Variants in SON observed in about 807,000 individuals in gnomAD.
SON encodes the protein SON DNA and RNA binding protein.
Under a neutral mutation model 173.3 loss-of-function variants are expected in SON, and 4 were observed. The ratio of observed to expected loss-of-function variants is 0.02; its 90% CI spans 0.01 to 0.05. SON has a LOEUF of 0.05. Ranked by LOEUF, SON falls within the 10% of genes least tolerant of loss-of-function variation. The pLI is 1.00. For missense variants in SON, 2,626 were observed against 3,055.3 expected (o/e 0.86, Z 3.31); for synonymous variants, 1,190 against 1,105.9 (o/e 1.08, Z -1.51).
Position 33,546,312 on chromosome 21 carries a change from A to G in SON, c.177A>G (p.Glu59=). Residue 59 remains glutamate, a synonymous_variant, in exon 2 of 12, where the codon GAA becomes GAG. Coordinates refer to ENST00000356577, the MANE Select transcript of SON (RefSeq NM_138927.4). ...AAASARSLPN[E]EIVQKIEEVL... ...CCTCTGCCAGGAGTCTACCAAATGAAGAAATAGTGCAGAAGATAGAGGAAG... is the reference window on the plus strand; with the variant it reads ...CCTCTGCCAGGAGTCTACCAAATGAGGAAATAGTGCAGAAGATAGAGGAAG... 1 of 1,613,872 alleles carries G rather than the reference A, an allele frequency of 6.2e-7. No homozygotes were observed.
At chr21:33,572,695 C>G in intron 8 of SON, 6 of 823,238 alleles carry the variant, frequency 7.3e-6, no homozygotes, top group Middle Eastern at 2.7e-4. Context: ...TAAAAGAATT[C>G]AAATTCATTT....
At chr21:33,560,609 T>C (rs530956974) in intron 6 of SON, 1 of 936,200 alleles carries the variant, frequency 1.1e-6, no homozygotes, top group East Asian at 1.2e-4. Flanking sequence ...TATCTTTGTA[T>C]GTATCTCTGT....
Position 33,551,380 on chromosome 21 carries a change from G to A in SON, c.2149G>A (p.Ala717Thr), listed in dbSNP as rs764620213. 1.2e-6 allele frequency: 2 copies of A among 1,613,982 alleles called. No homozygotes were observed. Among genetic ancestry groups the A allele is most frequent in the African/African-American group, 2.7e-5 (2 of 74,872 alleles). Residue 717 changes from alanine (A) to threonine (T), a missense_variant, in exon 3 of 12, where the codon GCT becomes ACT. Physicochemically the swap from Ala to Thr is moderately conservative, Grantham distance 58 (BLOSUM62 0). Around this residue, in one of 13 missense-constraint regions of SON, gnomAD observed 182 missense variants for 193.6 expected, o/e 0.94. Transcript: ENST00000356577. ...GATGGCCCCAGAATCCCATATATTA[G>A]CTTCTAACACCATGGAGACCCATAT... Reference protein sequence around the residue: ...PLMAPESHILASNTMETHILA... With the variant: ...PLMAPESHILTSNTMETHILA...
At chr21:33,543,372 T>C in intron 1 of SON, 4 of 601,990 alleles carry the variant, frequency 6.6e-6, no homozygotes, top group Non-Finnish European at 5.9e-6. Flanking sequence ...ACTTCGCCTT[T>C]TCCGAGGTAA....
At chr21:33,572,079 ATTAAC>A (rs2086295538) in intron 8 of SON, 2 of 151,926 alleles carry the variant, frequency 1.3e-5, no homozygotes, top group Admixed American at 1.3e-4. Context: ...TACATTCAGT[ATTAAC>A]TTATCAATAT....
In SON at chr21:33,554,935, A is replaced by G; in HGVS notation, c.5704A>G (p.Arg1902Gly). The change falls in exon 3 of 12, where the codon AGG becomes GGG. Residue 1902 changes from arginine (R) to glycine (G), a missense_variant. This residue lies in a region of SON where 1,006 missense variants were observed against 895.6 expected (regional missense o/e 1.12). Transcript: ENST00000356577. Reference protein sequence around the residue: ...KRSPKHRSKSRERKRKRSSSR... With the variant: ...KRSPKHRSKSGERKRKRSSSR... Reference sequence around the variant, plus strand: ...ATCTCCAAAGCACAGATCCAAGTCTAGGGAAAGAAAAAGAAAAAGATCAAG... The same window carrying G: ...ATCTCCAAAGCACAGATCCAAGTCTGGGGAAAGAAAAAGAAAAAGATCAAG... The G allele has an allele frequency of 6.2e-7, 1 of 1,614,170 alleles. No individual in the cohort carries two copies. The highest frequency in any genetic ancestry group is 8.5e-7 in the Non-Finnish European group (1 of 1,180,022).
At chr21:33,576,112 A>G (rs2145889979) in intron 11 of SON, among the ~76,000 whole-genome samples, 1 of 152,176 alleles carries the variant, frequency 6.6e-6, no homozygotes, top group African/African-American at 2.4e-5. Flanking sequence ...ATAGTATACA[A>G]TTGTTATTTT....
At position 33,575,649 on chromosome 21, in the gene SON, G is replaced by A. The variant is rs56199548; in HGVS notation, c.7087G>A (p.Ala2363Thr). Residue 2363 changes from alanine (A) to threonine (T), a missense_variant, in exon 10 of 12, where the codon GCA becomes ACA. Coordinates refer to ENST00000356577, the MANE Select transcript of SON (RefSeq NM_138927.4). ...AQKRSGNFSA[A>T]MKDLSGKHPV... is the part of the protein sequence containing the mutation. ...AAAGAGGTCTGGGAACTTCTCTGCT[G>A]CAATGAAAGATCTGTCAGGTGAGAG... 6.2e-7 allele frequency: 1 copy of A among 1,613,188 alleles called. No individual in the cohort carries two copies.
chr21:33,569,555 G>T (rs547643117), intron 8 of SON: 3 of 408,460 alleles, frequency 7.3e-6, no homozygotes, highest in East Asian at 9.4e-5. Context: ...CTTTGCCCTC[G>T]CACCCCACCC....
chr21:33,572,126 G>A (rs1161333396), intron 8 of SON: 2 of 150,602 alleles, frequency 1.3e-5, no homozygotes, highest in Non-Finnish European at 3.0e-5. Flanking sequence ...CTGAGCTACT[G>A]AAGTTTTTTT....
Position 33,543,061 on chromosome 21 carries a change from CGAG to C in SON, c.-25_-23del, listed in dbSNP as rs776528549. 3 of 1,605,822 alleles carry C rather than the reference CGAG, an allele frequency of 1.9e-6. No individual in the cohort carries two copies. The highest frequency in any genetic ancestry group is 3.3e-5 in the Admixed American group (2 of 60,006). The stretch of plus-strand genomic sequence containing the variant: ...GCATGCTGGGAGCCTGGAGGACTAG[CGAG>C]GAGGAGTTGAGAGAACGGAGCGGAC... On this transcript the variant is annotated 5_prime_UTR_variant, in exon 1 of 12. Coordinates refer to ENST00000356577, the MANE Select transcript of SON (RefSeq NM_138927.4).
Position 33,550,181 on chromosome 21 carries a change from A to G in SON, c.950A>G (p.Tyr317Cys). Residue 317 changes from tyrosine (Y) to cysteine (C), a missense_variant, in exon 3 of 12, where the codon TAC becomes TGC. Tyr to Cys is a radical substitution (Grantham distance 194, BLOSUM62 -2). Coordinates refer to ENST00000356577, the MANE Select transcript of SON (RefSeq NM_138927.4). The part of the protein sequence containing the change: ...VVSSETPTEV[Y>C]PEPSTSTTMD... ...TCATCAGAGACACCTACTGAGGTGT[A>G]CCCTGAGCCAAGCACATCAACAACA... The G allele has an allele frequency of 6.2e-7, 1 of 1,614,216 alleles. No individual in the cohort carries two copies. The highest frequency in any genetic ancestry group is 8.5e-7 in the Non-Finnish European group (1 of 1,180,024).
At chr21:33,570,530 G>C (rs1203746261) in intron 8 of SON, among the ~76,000 whole-genome samples, 1 of 151,978 alleles carries the variant, frequency 6.6e-6, no homozygotes, top group Non-Finnish European at 1.5e-5. Flanking sequence ...GCTGAGGGTT[G>C]GTGTTAGAAT....
At chr21:33,568,259 G>A (rs561239097) in intron 7 of SON, among the ~76,000 whole-genome samples, 5 of 152,206 alleles carry the variant, frequency 3.3e-5, no homozygotes, top group East Asian at 1.9e-4. Context: ...TTGAAAGGCC[G>A]AGGCGGGCGG....
Position 33,550,394 on chromosome 21 carries a change from C to T in SON, c.1163C>T (p.Ala388Val), listed in dbSNP as rs567002427. ...ASAMELPGPP[A>V]TSMPELQGPP... The stretch of plus-strand genomic sequence containing the variant: ...GCGATGGAGTTGCCGGGGCCACCTG[C>T]GACCTCCATGCCGGAGTTGCAGGGG... Residue 388 changes from alanine to valine, a missense_variant, in exon 3 of 12, where the codon GCG (alanine) becomes GTG (valine). Physicochemically the swap from Ala to Val is moderately conservative, Grantham distance 64. This residue lies in a region of SON where 757 missense variants were observed against 730.1 expected (regional missense o/e 1.04). Coordinates refer to ENST00000356577, the MANE Select transcript of SON (RefSeq NM_138927.4). 1.1e-5 allele frequency: 18 copies of T among 1,613,940 alleles called. No individual in the cohort carries two copies. Among genetic ancestry groups the T allele is most frequent in the East Asian group, 4.5e-5 (2 of 44,864 alleles).
chr21:33,545,368 C>G (rs999617973), intron 1 of SON, among the ~76,000 whole-genome samples: 2 of 151,900 alleles, frequency 1.3e-5, no homozygotes, highest in Non-Finnish European at 2.9e-5. Flanking sequence ...GGTTTTTGAC[C>G]ATTCAGACTT....
intron 2 of SON, 85 bp from the exon 3 acceptor site, chr21:33,549,391 C>T: frequency 8.2e-7 from 1 of 1,219,010 alleles, no homozygotes; most frequent in Non-Finnish European, 1.1e-6. Flanking sequence ...GGTGTTTTAA[C>T]ATGGAATGTA....
At position 33,551,819 on chromosome 21, in the gene SON, C is replaced by T; in HGVS notation, c.2588C>T (p.Ser863Phe). 2 of 1,613,762 alleles carry T rather than the reference C, an allele frequency of 1.2e-6. No individual in the cohort carries two copies. The highest frequency in any genetic ancestry group is 1.7e-6 in the Non-Finnish European group (2 of 1,180,024). Residue 863 changes from serine (S) to phenylalanine (F), a missense_variant, in exon 3 of 12, where the codon TCC becomes TTC. Coordinates refer to ENST00000356577, the MANE Select transcript of SON (RefSeq NM_138927.4). Reference protein sequence around the residue: ...SQMLATSSMDSQMLASGTMDS... With the variant: ...SQMLATSSMDFQMLASGTMDS... ...ATGTTAGCAACTAGCTCAATGGATT[C>T]CCAGATGTTAGCATCTGGCACTATG... is the stretch of plus-strand genomic sequence containing the variant.
In SON at chr21:33,553,110, T is replaced by C. The variant is rs763629057; in HGVS notation, c.3879T>C (p.Ala1293=). ...CMVSETPAMS[A]EPTVLASEPP... ...TATCTGAAACTCCCGCCATGTCAGC[T>C]GAACCAACTGTGTTAGCATCAGAGC... Residue 1293 remains alanine, a synonymous_variant, in exon 3 of 12, where the codon GCT becomes GCC. Transcript: ENST00000356577. 1.2e-6 allele frequency: 2 copies of C among 1,614,210 alleles called. No individual in the cohort carries two copies. Among genetic ancestry groups the C allele is most frequent in the Non-Finnish European group, 1.7e-6 (2 of 1,180,034 alleles).
Sources: allele counts gnomAD v4.1 joint callset (sites outside exome capture counted in the v4.1 genomes callset), GRCh38; gene constraint gnomAD v4.1.1; regional missense constraint gnomAD v4.1.1; transcripts MANE v1.5; gene names NCBI Gene and HGNC (gene_info 2026-07-23, HGNC 2026-07-21).